The following ANTXR2 variants were observed in gnomAD, a reference collection of about 807,000 sequenced individuals.
ANTXR2 encodes the protein anthrax toxin receptor 2.
A neutral mutation model predicts 73.7 loss-of-function variants in ANTXR2; 44 were observed. The observed-to-expected ratio is 0.60, with a 90% CI of 0.47 to 0.77. The LOEUF (loss-of-function observed/expected upper bound fraction) is 0.77. Ranked by LOEUF, ANTXR2 falls within the 30% of genes least tolerant of loss-of-function variation. The pLI is 0.00. For missense variants in ANTXR2, 604 were observed against 592.5 expected (o/e 1.02, Z -0.20); for synonymous variants, 217 against 205.9 (o/e 1.05, Z -0.46).
At chr4:80,022,019 C>T (rs1355697309) in intron 10 of ANTXR2, among the ~76,000 whole-genome samples, 1 of 152,194 alleles carries the variant, frequency 6.6e-6, no homozygotes, top group Admixed American at 6.5e-5. Context: ...GCATCATCTC[C>T]ATTTTGCCCA....
At chr4:79,961,271 G>A (rs1225490181) in intron 16 of ANTXR2, among the ~76,000 whole-genome samples, 5 of 151,618 alleles carry the variant, frequency 3.3e-5, no homozygotes, top group African/African-American at 4.8e-5. Flanking sequence ...CATACATAAA[G>A]TAACCAAAAA....
At chr4:79,931,125 C>T (rs183023857) in intron 16 of ANTXR2, among the ~76,000 whole-genome samples, 1 of 152,218 alleles carries the variant, frequency 6.6e-6, no homozygotes, top group Admixed American at 6.5e-5. Context: ...TAAACCAAAC[C>T]TCACATTATG....
intron 16 of ANTXR2, among the ~76,000 whole-genome samples, chr4:79,927,080 A>C (rs538553200): frequency 4.2e-4 from 59 of 140,344 alleles, no homozygotes; most frequent in African/African-American, 1.5e-3. Flanking sequence ...TATATATATG[A>C]ATATTATTCA....
chr4:80,069,954 C>T (rs1477389602), intron 2 of ANTXR2, among the ~76,000 whole-genome samples: 1 of 152,154 alleles, frequency 6.6e-6, no homozygotes. Context: ...AAAAAGTCAT[C>T]CTGAAGTAAG....
At position 80,072,693 on chromosome 4, in the gene ANTXR2, C is replaced by G; in HGVS notation, c.-133G>C. On this transcript the variant is annotated 5_prime_UTR_variant, in exon 1 of 17. Coordinates refer to ENST00000403729, the MANE Select transcript of ANTXR2 (RefSeq NM_058172.6). ...CGAGCAGCTGAGACGCCGGCGCCTG[C>G]GGCAGCGGGACCCACCAGCTGACAG... The G allele has an allele frequency of 7.5e-7, 1 of 1,339,866 alleles. No homozygotes were observed. The highest frequency in any genetic ancestry group is 1.9e-5 in the South Asian group (1 of 51,856). 83.0% of individuals were successfully genotyped at this position (1,339,866 alleles called of 1,614,324 possible).
rs762612324 is a variant in ANTXR2 at position 80,072,528 on chromosome 4, G to C, written c.33C>G (p.Pro11=). 1.3e-6 allele frequency: 2 copies of C among 1,593,424 alleles called. No individual in the cohort carries two copies. The highest frequency in any genetic ancestry group is 3.5e-5 in the Admixed American group (2 of 56,802). ...ACAGCCCGGGGAACAGCCAGCTCCC[G>C]GGGCTGCGGGCCGGGGACCGCTCCG... is the stretch of plus-strand genomic sequence containing the variant. MVAERSPARS[P]GSWLFPGLWL... The change falls in exon 1 of 17, where the codon CCC becomes CCG. Residue 11 remains proline (P), a synonymous_variant. Transcript: ENST00000403729.
intron 12 of ANTXR2, among the ~76,000 whole-genome samples, chr4:80,007,566 G>A (rs1374548675): frequency 6.6e-6 from 1 of 152,194 alleles, no homozygotes; most frequent in Non-Finnish European, 1.5e-5. Context: ...TGAGATGGGA[G>A]ATGATCCTGG....
chr4:79,995,456 A>T (rs953725650), intron 12 of ANTXR2, among the ~76,000 whole-genome samples: 6 of 151,996 alleles, frequency 3.9e-5, no homozygotes, highest in South Asian at 2.1e-4. Flanking sequence ...GAAGCACTAA[A>T]TTTTTTCCTG....
intron 10 of ANTXR2, among the ~76,000 whole-genome samples, chr4:80,023,727 G>A (rs1250201082): frequency 2.6e-5 from 4 of 152,114 alleles, no homozygotes; most frequent in South Asian, 2.1e-4. Context: ...GGAGCACTCC[G>A]ACAGGGTGGA....
At chr4:80,072,179 C>A (rs1423599113) in intron 1 of ANTXR2, among the ~76,000 whole-genome samples, 1 of 152,220 alleles carries the variant, frequency 6.6e-6, no homozygotes, top group Non-Finnish European at 1.5e-5. Context: ...AATACCCCAA[C>A]TCCCCAAAGA....
chr4:79,909,632 T>C (rs1444598415), intron 16 of ANTXR2, among the ~76,000 whole-genome samples: 3 of 149,756 alleles, frequency 2.0e-5, no homozygotes, highest in East Asian at 1.9e-4. Flanking sequence ...CAAATGTCTC[T>C]AGATATAAGC....
In ANTXR2 at chr4:79,917,403, A is replaced by G. The variant is rs78843192; in HGVS notation, c.1429-9936T>C. ...AAACCTGGAAGCAGAACTGAGAAGT[A>G]TCCCACCAAAACTCATGGGGCCCTC... On this transcript the variant is annotated intron_variant, in intron 16 of 16. Transcript: ENST00000403729. Among the ~76,000 whole-genome samples the G allele has an allele frequency of 9.8e-4, 150 of 152,288 alleles. 1 individual carries two copies. The highest frequency in any genetic ancestry group is 3.5e-3 in the African/African-American group (145 of 41,576).
intron 10 of ANTXR2, among the ~76,000 whole-genome samples, chr4:80,028,810 G>A (rs1191308757): frequency 6.6e-6 from 1 of 152,124 alleles, no homozygotes; most frequent in African/African-American, 2.4e-5. Flanking sequence ...AATCTCATAA[G>A]AGAGCTCATC....
intron 16 of ANTXR2, among the ~76,000 whole-genome samples, chr4:79,921,544 C>T (rs868840456): frequency 6.6e-6 from 1 of 152,084 alleles, no homozygotes; most frequent in Middle Eastern, 3.4e-3. Flanking sequence ...ACTGATTTAG[C>T]ACAAATATTA....
intron 10 of ANTXR2, among the ~76,000 whole-genome samples, chr4:80,021,321 C>G (rs924652440): frequency 1.3e-5 from 2 of 151,706 alleles, no homozygotes; most frequent in African/African-American, 2.4e-5. Flanking sequence ...GAAATGGGTG[C>G]CTTGTTTTGT....
chr4:80,023,069 A>G (rs538095117), intron 10 of ANTXR2, among the ~76,000 whole-genome samples: 1 of 152,354 alleles, frequency 6.6e-6, no homozygotes, highest in East Asian at 1.9e-4. Flanking sequence ...TAAACCTTTT[A>G]GATCCAAGCT....
chr4:80,052,690 A>C (rs1271374608), intron 7 of ANTXR2, among the ~76,000 whole-genome samples: 1 of 151,710 alleles, frequency 6.6e-6, no homozygotes, highest in Non-Finnish European at 1.5e-5. Context: ...GGCTAAAATA[A>C]TGCAAATTTT....
At chr4:80,070,767 G>A (rs953251532) in intron 2 of ANTXR2, among the ~76,000 whole-genome samples, 1 of 152,012 alleles carries the variant, frequency 6.6e-6, no homozygotes, top group Non-Finnish European at 1.5e-5. Context: ...GAAAACATTT[G>A]GGCTAACAAG....
chr4:79,977,431 T>G, intron 16 of ANTXR2, 190 bp downstream of exon 16: 1 of 1,173,616 alleles, frequency 8.5e-7, no homozygotes, highest in Non-Finnish European at 1.1e-6. Flanking sequence ...GGTGTAAAAA[T>G]GTAGTTTGAA....
Sources: allele counts gnomAD v4.1 joint callset (sites outside exome capture counted in the v4.1 genomes callset), GRCh38; gene constraint gnomAD v4.1.1; transcripts MANE v1.5; gene names NCBI Gene and HGNC (gene_info 2026-07-23, HGNC 2026-07-21).